The following GLDN variants were observed in gnomAD, a reference collection of about 807,000 sequenced individuals.
GLDN encodes the protein gliomedin, also known as collomin.
In GLDN, 47 loss-of-function variants were observed where a neutral mutation model predicts 56.5. The ratio of observed to expected loss-of-function variants is 0.83; its 90% CI spans 0.66 to 1.06. The LOEUF (loss-of-function observed/expected upper bound fraction) is 1.06, where lower values mean the gene tolerates loss of function less well. GLDN is among the 50% of genes least tolerant of loss of function. The probability of loss-of-function intolerance (pLI) is 0.00; values close to 1 mark genes in which losing one functional copy is unlikely to be tolerated. For missense variants in GLDN, 782 were observed against 714.3 expected, an observed-to-expected ratio of 1.09 and a Z score of -1.08; for synonymous variants, 332 against 278.8, an observed-to-expected ratio of 1.19 and a Z score of -1.90.
At chr15:51,395,680 A>G (rs2038111650) in intron 5 of GLDN, among the ~76,000 whole-genome samples, 1 of 152,144 alleles carries the variant, frequency 6.6e-6, no homozygotes, top group Non-Finnish European at 1.5e-5. Flanking sequence ...CATGCAATTT[A>G]CCTGGCATTT....
At chr15:51,347,880 T>C (rs74016720) in intron 1 of GLDN, among the ~76,000 whole-genome samples, 13,235 of 152,204 alleles carry the variant, frequency 0.087, 1,977 homozygotes, top group African/African-American at 0.3. Flanking sequence ...AAATTCTCTA[T>C]ATAATAAGAG....
intron 2 of GLDN, among the ~76,000 whole-genome samples, chr15:51,379,519 G>C (rs953490510): frequency 5.3e-5 from 8 of 152,206 alleles, no homozygotes; most frequent in Admixed American, 3.3e-4. Context: ...GATCAATGCT[G>C]CTGAGCACAG....
downstream of GLDN, among the ~76,000 whole-genome samples, chr15:51,409,833 C>T (rs2038447104): frequency 6.6e-6 from 1 of 152,248 alleles, no homozygotes; most frequent in Admixed American, 6.5e-5. Context: ...CCTCATCCCA[C>T]CGCTTCCAAA....
intron 1 of GLDN, among the ~76,000 whole-genome samples, chr15:51,358,667 G>A (rs939506363): frequency 7.9e-5 from 12 of 152,118 alleles, no homozygotes; most frequent in African/African-American, 2.9e-4. Flanking sequence ...GATGACTAGG[G>A]GTGTGGGCAC....
chr15:51,372,171 C>T (rs1338315493), intron 1 of GLDN, among the ~76,000 whole-genome samples: 1 of 151,354 alleles, frequency 6.6e-6, no homozygotes, highest in African/African-American at 2.4e-5. Context: ...ACCAGTTCCA[C>T]TACCATGATA....
At chr15:51,369,147 G>C (rs1033976610) in intron 1 of GLDN, 1 of 152,094 alleles carries the variant, frequency 6.6e-6, no homozygotes, top group African/African-American at 2.4e-5. Flanking sequence ...TAACATCTGC[G>C]ATCTAACCCT....
At chr15:51,365,132 G>GT (rs750584179) in intron 1 of GLDN, among the ~76,000 whole-genome samples, 4 of 152,210 alleles carry the variant, frequency 2.6e-5, no homozygotes, top group Non-Finnish European at 5.9e-5. Context: ...GTTCAAAGGT[G>GT]TTTTTTAAAG....
intron 9 of GLDN, among the ~76,000 whole-genome samples, chr15:51,402,568 T>C (rs1272214892): frequency 6.6e-6 from 1 of 152,174 alleles, no homozygotes; most frequent in Non-Finnish European, 1.5e-5. Context: ...TCTTCCACTA[T>C]CTGAAACAGT....
rs1158509504 is a variant in GLDN, at chr15:51,406,046, T to G, written c.*1292T>G. The G allele has an allele frequency of 2.0e-5, 3 of 152,220 alleles. No individual in the cohort carries two copies. The highest frequency in any genetic ancestry group is 4.4e-5 in the Non-Finnish European group (3 of 68,044). The allele number at this position is 152,220 out of a possible 1,614,324, so 9.4% of individuals were successfully genotyped here. On this transcript the variant is annotated 3_prime_UTR_variant, in exon 10 of 10. Coordinates refer to ENST00000335449, the MANE Select transcript of GLDN (RefSeq NM_181789.4). Reference sequence around the variant, plus strand: ...AAAAAATCAGAACCAGAGCCTGTTTTGTTTTGTTCTAAACTAAGAAGCCGC... The same window carrying G: ...AAAAAATCAGAACCAGAGCCTGTTTGGTTTTGTTCTAAACTAAGAAGCCGC...
chr15:51,397,010 A>G (rs914649211), intron 5 of GLDN, among the ~76,000 whole-genome samples: 11 of 152,222 alleles, frequency 7.2e-5, no homozygotes, highest in African/African-American at 2.7e-4. Flanking sequence ...CTGCTGACCA[A>G]GTGAGGGGTG....
intron 1 of GLDN, among the ~76,000 whole-genome samples, chr15:51,356,641 C>T (rs2141058158): frequency 6.6e-6 from 1 of 152,260 alleles, no homozygotes; most frequent in Non-Finnish European, 1.5e-5. Context: ...ACTGTGAGTT[C>T]ACTTGTGGCT....
intron 4 of GLDN, among the ~76,000 whole-genome samples, chr15:51,386,460 G>T (rs189070603): frequency 6.6e-6 from 1 of 152,302 alleles, no homozygotes; most frequent in African/African-American, 2.4e-5. Context: ...TTCATACCCA[G>T]CACTTGCAGG....
At chr15:51,353,729 A>T (rs1031380071) in intron 1 of GLDN, among the ~76,000 whole-genome samples, 1 of 145,876 alleles carries the variant, frequency 6.9e-6, no homozygotes, top group Admixed American at 6.9e-5. Flanking sequence ...AAAAAAAAAA[A>T]AAAAACCACA....
At chr15:51,374,795 T>C (rs1403552815) in intron 1 of GLDN, among the ~76,000 whole-genome samples, 1 of 148,486 alleles carries the variant, frequency 6.7e-6, no homozygotes, top group East Asian at 2.0e-4. Flanking sequence ...TGGAGTGCAG[T>C]GGTGGGATCA....
chr15:51,382,925 C>G (rs531521358), intron 2 of GLDN, among the ~76,000 whole-genome samples: 2 of 152,088 alleles, frequency 1.3e-5, no homozygotes, highest in Admixed American at 6.6e-5. Flanking sequence ...TCTGGGCTCT[C>G]AATTTTTCTC....
At chr15:51,369,390 C>A (rs16964307) in intron 1 of GLDN, among the ~76,000 whole-genome samples, 1 of 152,220 alleles carries the variant, frequency 6.6e-6, no homozygotes, top group African/African-American at 2.4e-5. Context: ...GATGACTTAG[C>A]ATTTAAACAG....
At chr15:51,361,302 C>T (rs1430027019) in intron 1 of GLDN, among the ~76,000 whole-genome samples, 1 of 152,144 alleles carries the variant, frequency 6.6e-6, no homozygotes, top group Non-Finnish European at 1.5e-5. Context: ...CACCTTATCT[C>T]TTTAAATATG....
intron 2 of GLDN, among the ~76,000 whole-genome samples, chr15:51,379,886 G>T (rs1378226994): frequency 6.6e-6 from 1 of 152,150 alleles, no homozygotes; most frequent in African/African-American, 2.4e-5. Context: ...GACCTGTTTT[G>T]GTGTGAGTTT....
downstream of GLDN, among the ~76,000 whole-genome samples, chr15:51,408,614 C>G (rs2038430434): frequency 6.6e-6 from 1 of 152,068 alleles, no homozygotes; most frequent in African/African-American, 2.4e-5. Flanking sequence ...ATACATGTGC[C>G]ATGTTGGTGT....
Sources: allele counts gnomAD v4.1 joint callset (sites outside exome capture counted in the v4.1 genomes callset), GRCh38; gene constraint gnomAD v4.1.1; transcripts MANE v1.5; gene names NCBI Gene and HGNC (gene_info 2026-07-23, HGNC 2026-07-21).